RARA: variants seen among roughly 807,000 people sequenced by gnomAD.
The protein encoded by RARA is PML-DDX5-RARA fusion.
A neutral mutation model predicts 42.8 loss-of-function variants in RARA; 5 were observed. The observed-to-expected ratio is 0.12, with a 90% confidence interval of 0.06 to 0.25. The LOEUF is 0.25. RARA is among the 10% of genes least tolerant of loss of function. RARA has a pLI of 1.00. For missense variants in RARA, 402 were observed against 628.7 expected (o/e 0.64, Z 3.86); for synonymous variants, 256 against 259.5 (o/e 0.99, Z 0.13).
In RARA at chr17:40,351,969, A is replaced by G. The variant is rs776543112; in HGVS notation, c.529A>G (p.Ser177Gly). ...KEVPKPECSE[S>G]YTLTPEVGEL... is the part of the protein sequence containing the mutation. ...GGTGCCCAAGCCCGAGTGCTCTGAG[A>G]GCTACACGCTGACGCCGGAGGTGGG... The change falls in exon 5 of 9, where the codon AGC (serine) becomes GGC (glycine). Residue 177 changes from serine (S) to glycine (G), a missense_variant. By Grantham distance (56) the Ser-to-Gly change is moderately conservative. Transcript: ENST00000254066. This position sits in a 1 kb window ranked among gnomAD's most constrained non-coding sequence, Gnocchi z 4.1. The G allele has an allele frequency of 1.2e-6, 2 of 1,609,990 alleles. No individual in the cohort carries two copies. The highest frequency in any genetic ancestry group is 1.7e-6 in the Non-Finnish European group (2 of 1,178,746).
Position 40,326,976 on chromosome 17 carries a change from C to T in RARA, c.-362-3881C>T, listed in dbSNP as rs139358518. 1.8e-4 allele frequency among the ~76,000 whole-genome samples: 27 copies of T among 152,290 alleles called. No homozygotes were observed. In the East Asian group the frequency reaches 2.1e-3, roughly 12 times the overall value. On this transcript the variant is annotated intron_variant, in intron 1 of 8. Transcript: ENST00000254066. The surrounding 1 kb of genome is among the most constrained non-coding windows in gnomAD (Gnocchi z 5.2). ...ATTTCTGTGACCTTTAGCCCTCCTG[C>T]GGCTCAAGGCCCTCCCCAGGGAGCT...
chr17:40,342,600 C>T (rs919211874), intron 2 of RARA: 3 of 1,439,978 alleles, frequency 2.1e-6, no homozygotes, highest in Non-Finnish European at 2.7e-6. Flanking sequence ...GGCGAGGGGA[C>T]GTCTCCTCTC....
intron 2 of RARA, among the ~76,000 whole-genome samples, chr17:40,333,290 C>T (rs571886543): frequency 7.2e-5 from 11 of 152,264 alleles, no homozygotes; most frequent in Non-Finnish European, 7.4e-5. Flanking sequence ...CCTCATGATC[C>T]GCCCGCCTTG....
chr17:40,353,808 T>C (rs921687527), intron 6 of RARA, among the ~76,000 whole-genome samples: 5 of 152,170 alleles, frequency 3.3e-5, no homozygotes, highest in Non-Finnish European at 2.9e-5. Context: ...CCCATCCCCA[T>C]GCCGTGGATG....
Position 40,351,772 on chromosome 17 carries a change from C to G in RARA, c.470-138C>G. On this transcript the variant is annotated intron_variant, in intron 4 of 8. Transcript: ENST00000254066. This position sits in a 1 kb window ranked among gnomAD's most constrained non-coding sequence, Gnocchi z 4.1. ...GAGTGCGTGGCAATGCCTTGCCTGC[C>G]CGTGAACGCGTGCTGTGTGCGCGTG... is the stretch of plus-strand genomic sequence containing the variant. 2 of 1,164,444 alleles carry G rather than the reference C, an allele frequency of 1.7e-6. No individual in the cohort carries two copies. The highest frequency in any genetic ancestry group is 2.4e-6 in the Non-Finnish European group (2 of 837,208). 72.1% of individuals were successfully genotyped at this position (1,164,444 alleles called of 1,614,324 possible).
In RARA at chr17:40,352,263, G is replaced by T. The variant is rs975899556; in HGVS notation, c.631-68G>T. On this transcript the variant is annotated intron_variant, in intron 5 of 8. Transcript: ENST00000254066. The surrounding 1 kb of genome is among the most constrained non-coding windows in gnomAD (Gnocchi z 4.9). ...AAGGCTGGGTAGAGGGCAGGCCTGT[G>T]GGGGCTGGAGCCAGGCTGAGAAGGG... 9 of 1,536,468 alleles carry T rather than the reference G, an allele frequency of 5.9e-6. No individual in the cohort carries two copies. The African/African-American group carries it at 9.6e-5, about 16-fold the overall frequency.
rs1567750431 is a variant in RARA, at chr17:40,329,427, C to T, written c.-362-1430C>T. On this transcript the variant is annotated intron_variant, in intron 1 of 8. Coordinates refer to ENST00000254066, the MANE Select transcript of RARA (RefSeq NM_000964.4). ...GTTCAAGCGATTCTCCTGCCTCAGC[C>T]TCCCAAGTAGCTGGGATTACAGGCA... Among the ~76,000 whole-genome samples, 3 of 152,328 alleles carry T rather than the reference C, an allele frequency of 2.0e-5. No homozygotes were observed. The East Asian group carries it at 5.8e-4, about 29-fold the overall frequency.
Position 40,331,182 on chromosome 17 carries a change from AGACT to A in RARA, c.-35_-32del, listed in dbSNP as rs2033680536. The stretch of plus-strand genomic sequence containing the variant: ...CTGAAGCCCACCAGAGCCCCCTGCC[AGACT>A]GTCTGCCTCCCTTCTGACTGTGGCC... On this transcript the variant is annotated 5_prime_UTR_variant, in exon 2 of 9. Transcript: ENST00000254066. The A allele has an allele frequency of 1.9e-6, 3 of 1,570,132 alleles. No homozygotes were observed. In the Admixed American group the frequency reaches 5.3e-5, roughly 27 times the overall value.
intron 1 of RARA, among the ~76,000 whole-genome samples, chr17:40,315,232 G>T (rs944290102): frequency 2.0e-5 from 3 of 146,628 alleles, no homozygotes; most frequent in African/African-American, 7.6e-5. Flanking sequence ...AAGACACAGG[G>T]TCTTGCTATG....
chr17:40,356,950 A>C lies in RARA; in HGVS notation c.*724A>C. 2 of 387,650 alleles carry C rather than the reference A, an allele frequency of 5.2e-6. No individual in the cohort carries two copies. The highest frequency in any genetic ancestry group is 4.8e-6 in the Non-Finnish European group (1 of 207,830). 24.0% of individuals were successfully genotyped at this position (387,650 alleles called of 1,614,324 possible). On this transcript the variant is annotated 3_prime_UTR_variant, in exon 9 of 9. Transcript: ENST00000254066. ...TCTCCTCCTCAGCCTTTTCCTCCTCAGTTTTCTCTTTAAAACTGTGAAGTA... is the reference window on the plus strand; with the variant it reads ...TCTCCTCCTCAGCCTTTTCCTCCTCCGTTTTCTCTTTAAAACTGTGAAGTA...
At chr17:40,328,523 A>C (rs1299914460) in intron 1 of RARA, among the ~76,000 whole-genome samples, 1 of 152,162 alleles carries the variant, frequency 6.6e-6, no homozygotes, top group African/African-American at 2.4e-5. Flanking sequence ...CACCACAATC[A>C]ATTTTAGAAC....
chr17:40,331,125 G>T lies in RARA; in HGVS notation c.-94G>T. On this transcript the variant is annotated 5_prime_UTR_variant, in exon 2 of 9. Transcript: ENST00000254066. Reference sequence around the variant, plus strand: ...GGGCTGACCACCCAAACCCCATCTGGGCCCAGGCCCCATGCCCCGAGGAGG... The same window carrying T: ...GGGCTGACCACCCAAACCCCATCTGTGCCCAGGCCCCATGCCCCGAGGAGG... 7.1e-7 allele frequency: 1 copy of T among 1,407,090 alleles called. No homozygotes were observed. The highest frequency in any genetic ancestry group is 1.3e-5 in the South Asian group (1 of 74,612). The allele number at this position is 1,407,090 out of a possible 1,614,324, so 87.2% of individuals were successfully genotyped here.
At chr17:40,336,763 T>G (rs2033863299) in intron 2 of RARA, among the ~76,000 whole-genome samples, 1 of 152,074 alleles carries the variant, frequency 6.6e-6, no homozygotes, top group South Asian at 2.1e-4. Flanking sequence ...TGGCTCGATC[T>G]CGGTTCACTG....
rs371222253 is a variant in RARA at position 40,335,221 on chromosome 17, G to C, written c.178+3825G>C. Among the ~76,000 whole-genome samples the C allele has an allele frequency of 9.7e-4, 147 of 152,230 alleles. 4 individuals carry two copies. In the South Asian group the frequency reaches 0.027, roughly 28 times the overall value. The stretch of plus-strand genomic sequence containing the variant: ...TGTGTGTTGGTGTTGGGGCTGGGAG[G>C]GGGAGTGACTTAGGGCACAGAGTGT... On this transcript the variant is annotated intron_variant, in intron 2 of 8. Coordinates refer to ENST00000254066, the MANE Select transcript of RARA (RefSeq NM_000964.4).
At position 40,355,250 on chromosome 17, in the gene RARA, TCTG is replaced by T. The variant is rs2034581435; in HGVS notation, c.1013-10_1013-8del. On this transcript the variant is annotated splice_polypyrimidine_tract_variant and intron_variant, in intron 7 of 8. Coordinates refer to ENST00000254066, the MANE Select transcript of RARA (RefSeq NM_000964.4). The surrounding 1 kb of genome is among the most constrained non-coding windows in gnomAD (Gnocchi z 4.1). ...TGTTCCCAGCTGCTCAGGGGGTGGT[TCTG>T]CTTCCTCAGACCGCCAGGACCTGGA... 39 of 1,557,018 alleles carry T rather than the reference TCTG, an allele frequency of 2.5e-5. No individual in the cohort carries two copies. Among genetic ancestry groups the T allele is most frequent in the Non-Finnish European group, 3.4e-5 (39 of 1,149,770 alleles).
chr17:40,328,781 G>A (rs972104199), intron 1 of RARA, among the ~76,000 whole-genome samples: 2 of 152,182 alleles, frequency 1.3e-5, no homozygotes, highest in African/African-American at 4.8e-5. Flanking sequence ...ATGTTCCATT[G>A]TAGGGACATA....
At chr17:40,342,972 T>C (rs1289466763) in intron 2 of RARA, 36 of 1,486,186 alleles carry the variant, frequency 2.4e-5, no homozygotes, top group Non-Finnish European at 1.2e-5. Context: ...GGAGGTCCTG[T>C]CTCTACCTTT....
chr17:40,351,343 T>C lies in RARA; in HGVS notation c.470-567T>C, dbSNP rs1410935874. The C allele has an allele frequency of 6.4e-6, 2 of 312,448 alleles. No individual in the cohort carries two copies. Among genetic ancestry groups the C allele is most frequent in the African/African-American group, 4.5e-5 (2 of 44,712 alleles). The allele number at this position is 312,448 out of a possible 1,614,324, so 19.4% of individuals were successfully genotyped here. On this transcript the variant is annotated intron_variant, in intron 4 of 8. Transcript: ENST00000254066. The surrounding 1 kb of genome is among the most constrained non-coding windows in gnomAD (Gnocchi z 4.1). ...GGCTGGTAACGACCCCATCGCTTCT[T>C]TAAAGCCGAGTGGTGTGTGCGGCTC...
chr17:40,341,393 A>G (rs776437326), intron 2 of RARA: 29 of 1,483,652 alleles, frequency 2.0e-5, no homozygotes, highest in Non-Finnish European at 2.4e-5. Flanking sequence ...GTCACACATG[A>G]TGTCACAGAC....
Sources: gnomAD v4.1 joint callset for allele counts (sites outside exome capture counted in the v4.1 genomes callset) on GRCh38, gnomAD v4.1.1 for gene constraint, Gnocchi (gnomAD v3.1) non-coding constraint, MANE v1.5 for transcripts, NCBI Gene and HGNC (gene_info 2026-07-23, HGNC 2026-07-21) for gene names.